MAGI1: variants seen among roughly 807,000 people sequenced by gnomAD.
MAGI1 encodes membrane-associated guanylate kinase, WW and PDZ domain-containing protein 1.
Under a neutral mutation model 139.9 loss-of-function variants are expected in MAGI1, and 58 were observed. That is an observed-to-expected ratio of 0.41 (90% CI 0.34 to 0.52). The LOEUF is 0.52. MAGI1 is among the 20% of genes least tolerant of loss of function. The probability of loss-of-function intolerance (pLI) is 0.12; values close to 1 mark genes in which losing one functional copy is unlikely to be tolerated. For missense variants in MAGI1, 1,874 were observed against 1,901.6 expected, an observed-to-expected ratio of 0.99 and a Z score of 0.27; for synonymous variants, 812 against 737.9, an observed-to-expected ratio of 1.10 and a Z score of -1.63.
chr3:65,443,647 T>G (rs1234888523), intron 7 of MAGI1, among the ~76,000 whole-genome samples: 1 of 152,204 alleles, frequency 6.6e-6, no homozygotes, highest in Non-Finnish European at 1.5e-5. Context: ...TGCACCATAT[T>G]ATTTTACTTG....
chr3:65,946,045 C>T (rs2063531731), intron 1 of MAGI1, among the ~76,000 whole-genome samples: 1 of 152,150 alleles, frequency 6.6e-6, no homozygotes. Flanking sequence ...TTATGTTTTA[C>T]TTAAGAGGAA....
chr3:65,734,795 C>G (rs1243401150), intron 1 of MAGI1, among the ~76,000 whole-genome samples: 1 of 148,796 alleles, frequency 6.7e-6, no homozygotes, highest in Non-Finnish European at 1.5e-5. Flanking sequence ...TCCAGGGAAG[C>G]TAAATCCAGT....
At chr3:65,739,421 A>G (rs1053125330) in intron 1 of MAGI1, among the ~76,000 whole-genome samples, 5 of 152,146 alleles carry the variant, frequency 3.3e-5, no homozygotes, top group Non-Finnish European at 7.4e-5. Context: ...AGGATGTTGC[A>G]CTTTCTTGCC....
intron 1 of MAGI1, among the ~76,000 whole-genome samples, chr3:65,760,374 G>A (rs2036913479): frequency 6.7e-6 from 1 of 148,874 alleles, no homozygotes; most frequent in South Asian, 2.1e-4. Context: ...CGGCAAGGAA[G>A]TAACAGAGCG....
chr3:65,425,112 A>T (rs1180747616), intron 12 of MAGI1, among the ~76,000 whole-genome samples: 15 of 14,740 alleles, frequency 1.0e-3, no homozygotes, highest in Admixed American at 2.6e-3. Context: ...AACTTCTAAA[A>T]AAAAAAAAAA....
chr3:65,880,659 G>T lies in MAGI1; in HGVS notation c.313+157337C>A, dbSNP rs1004566970. On this transcript the variant is annotated intron_variant, in intron 1 of 22. Coordinates refer to ENST00000402939, the MANE Select transcript of MAGI1 (RefSeq NM_001033057.2). ...CTTCAAACTTGAGGAGATAATAAAC[G>T]GCTGACAACTAGATTCCACCGGGAG... Among the ~76,000 whole-genome samples the T allele has an allele frequency of 3.3e-5, 5 of 151,874 alleles. No homozygotes were observed. The East Asian group carries it at 9.6e-4, about 29-fold the overall frequency.
At chr3:65,765,715 C>G (rs898487665) in intron 1 of MAGI1, among the ~76,000 whole-genome samples, 2 of 152,176 alleles carry the variant, frequency 1.3e-5, no homozygotes, top group African/African-American at 2.4e-5. Flanking sequence ...TAATCACTGG[C>G]TGGGGAATGC....
At chr3:65,476,655 C>T (rs990969059) in intron 4 of MAGI1, among the ~76,000 whole-genome samples, 3 of 152,184 alleles carry the variant, frequency 2.0e-5, no homozygotes, top group African/African-American at 7.2e-5. Flanking sequence ...ACCCAATCTG[C>T]TTGGCAGAAC....
chr3:65,645,008 TAAAA>T (rs1463145232), intron 1 of MAGI1, among the ~76,000 whole-genome samples: 1 of 115,404 alleles, frequency 8.7e-6, no homozygotes, highest in East Asian at 2.4e-4. Context: ...AAAAAAAAAA[TAAAA>T]AGAAAGAAAA....
chr3:65,796,347 T>C (rs1577151610), intron 1 of MAGI1, among the ~76,000 whole-genome samples: 1 of 152,218 alleles, frequency 6.6e-6, no homozygotes, highest in Non-Finnish European at 1.5e-5. Context: ...TTAATACCAA[T>C]GTAAACGTTA....
intron 1 of MAGI1, among the ~76,000 whole-genome samples, chr3:65,785,852 A>G (rs1243593285): frequency 6.6e-6 from 1 of 152,192 alleles, no homozygotes; most frequent in Non-Finnish European, 1.5e-5. Flanking sequence ...AAACAAGTTC[A>G]CAGAGACATT....
intron 1 of MAGI1, among the ~76,000 whole-genome samples, chr3:65,988,846 A>G (rs55964474): frequency 0.075 from 11,387 of 152,240 alleles, 594 homozygotes; most frequent in South Asian, 0.12. Context: ...ACCCCCACCC[A>G]CTGACTTATT....
intron 1 of MAGI1, among the ~76,000 whole-genome samples, chr3:66,008,456 C>G (rs1349691248): frequency 1.3e-5 from 2 of 152,184 alleles, no homozygotes; most frequent in African/African-American, 4.8e-5. Flanking sequence ...GGCACTATAC[C>G]TGGCAGGCAC....
intron 1 of MAGI1, among the ~76,000 whole-genome samples, chr3:65,896,485 T>C (rs2060975024): frequency 6.6e-6 from 1 of 152,186 alleles, no homozygotes; most frequent in Non-Finnish European, 1.5e-5. Flanking sequence ...AAGATTTAGC[T>C]ACAAGGACAT....
chr3:65,832,315 G>C (rs1275741280), intron 1 of MAGI1, among the ~76,000 whole-genome samples: 2 of 152,188 alleles, frequency 1.3e-5, no homozygotes, highest in African/African-American at 4.8e-5. Context: ...TGATGCCAAG[G>C]GAGGGGCTAA....
intron 1 of MAGI1, among the ~76,000 whole-genome samples, chr3:65,923,744 A>C (rs955021268): frequency 2.6e-5 from 4 of 152,190 alleles, no homozygotes; most frequent in Non-Finnish European, 5.9e-5. Flanking sequence ...GGCCAATCAC[A>C]TACAGCTGTA....
intron 2 of MAGI1, among the ~76,000 whole-genome samples, chr3:65,530,515 A>C (rs1449097968): frequency 6.6e-6 from 1 of 150,764 alleles, no homozygotes; most frequent in Non-Finnish European, 1.5e-5. Flanking sequence ...TACTGGAGAG[A>C]CTGAGGTGGG....
intron 1 of MAGI1, among the ~76,000 whole-genome samples, chr3:65,907,050 G>T (rs1575970118): frequency 7.4e-6 from 1 of 135,764 alleles, no homozygotes; most frequent in Non-Finnish European, 1.6e-5. Context: ...CTTGCCTCTT[G>T]TTTACAAAAA....
intron 1 of MAGI1, among the ~76,000 whole-genome samples, chr3:65,784,122 CA>C (rs35437902): frequency 0.23 from 34,075 of 146,906 alleles, 4,064 homozygotes; most frequent in South Asian, 0.41. Flanking sequence ...GACTCCATCT[CA>C]AAAAAAAAAG....
Sources: gnomAD v4.1 joint callset for allele counts (sites outside exome capture counted in the v4.1 genomes callset) on GRCh38, gnomAD v4.1.1 for gene constraint, MANE v1.5 for transcripts, NCBI Gene and HGNC (gene_info 2026-07-23, HGNC 2026-07-21) for gene names.